The following DNAI3 variants were observed in gnomAD, a reference collection of about 807,000 sequenced individuals.
DNAI3 encodes dynein axonemal intermediate chain 3.
A neutral mutation model predicts 115.5 loss-of-function variants in DNAI3; 83 were observed. That is an observed-to-expected ratio of 0.72 (90% confidence interval 0.60 to 0.86). The LOEUF is 0.86. Among genes scored for constraint, DNAI3 ranks in the 40% least tolerant of loss-of-function variants. The pLI is 0.00. For missense variants in DNAI3, 1,004 were observed against 1,075.8 expected (o/e 0.93, Z 0.93); for synonymous variants, 320 against 347.0 (o/e 0.92, Z 0.86).
chr1:85,072,026 A>C (rs774138141), intron 2 of DNAI3, 21 bp downstream of exon 2: 2 of 1,600,052 alleles, frequency 1.2e-6, no homozygotes, highest in Non-Finnish European at 1.7e-6. Context: ...TTCTTCATTG[A>C]ATGGGATTTT....
chr1:85,067,678 C>G (rs1654139793), intron 1 of DNAI3, among the ~76,000 whole-genome samples: 1 of 151,944 alleles, frequency 6.6e-6, no homozygotes, highest in East Asian at 1.9e-4. Flanking sequence ...CTAGGTAGGC[C>G]CAGTGTAGTC....
chr1:85,107,100 A>C (rs1655510802), intron 14 of DNAI3, among the ~76,000 whole-genome samples: 1 of 152,236 alleles, frequency 6.6e-6, no homozygotes, highest in Non-Finnish European at 1.5e-5. Context: ...GTGAACGTGC[A>C]GAGATTTGGA....
intron 1 of DNAI3, 145 bp from the exon 2 acceptor site, chr1:85,071,783 T>C: frequency 1.3e-6 from 1 of 749,148 alleles, no homozygotes; most frequent in East Asian, 2.8e-5. Context: ...GAACACCCGT[T>C]CTATGAAGAT....
Position 85,090,192 on chromosome 1 carries a change from T to C in DNAI3, c.817T>C (p.Ser273Pro). 3 of 1,584,620 alleles carry C rather than the reference T, an allele frequency of 1.9e-6. No individual in the cohort carries two copies. In the South Asian group the frequency reaches 3.6e-5, roughly 19 times the overall value. Residue 273 changes from serine to proline, a missense_variant, in exon 8 of 23, where the codon TCA (serine) becomes CCA (proline). Coordinates refer to ENST00000294664, the MANE Select transcript of DNAI3 (RefSeq NM_145172.5). ...SEEEKETLKQSKPLVDFLNNA... is the reference protein window; with the variant it reads ...SEEEKETLKQPKPLVDFLNNA... ...AGAGGAAAAAGAGACACTCAAACAATCAAAGCCTTTGGTTGATTTTCTTAA... is the reference window on the plus strand; with the variant it reads ...AGAGGAAAAAGAGACACTCAAACAACCAAAGCCTTTGGTTGATTTTCTTAA...
chr1:85,116,962 T>C (rs1197616568), intron 16 of DNAI3, among the ~76,000 whole-genome samples: 3 of 152,180 alleles, frequency 2.0e-5, no homozygotes, highest in South Asian at 4.1e-4. Flanking sequence ...TATGTCTTTT[T>C]AGTATAGCTG....
At chr1:85,099,057 A>G (rs989512726) in intron 13 of DNAI3, among the ~76,000 whole-genome samples, 2 of 152,190 alleles carry the variant, frequency 1.3e-5, no homozygotes, top group Non-Finnish European at 2.9e-5. Context: ...GCTGGGCACA[A>G]TCTGGAATTG....
At chr1:85,097,466 A>G in intron 11 of DNAI3, 103 bp from the exon 12 acceptor site, 1 of 984,938 alleles carries the variant, frequency 1.0e-6, no homozygotes, top group East Asian at 2.8e-5. Flanking sequence ...ATTATCCCCT[A>G]AGGTGATTGA....
At chr1:85,128,866 A>C in intron 21 of DNAI3, 67 bp downstream of exon 21, 2 of 1,405,146 alleles carry the variant, frequency 1.4e-6, no homozygotes, top group South Asian at 2.5e-5. Flanking sequence ...GTCTTTAAAA[A>C]AATGTTAGAA....
intron 11 of DNAI3, among the ~76,000 whole-genome samples, chr1:85,096,256 C>A (rs1655120734): frequency 6.6e-6 from 1 of 152,020 alleles, no homozygotes; most frequent in African/African-American, 2.4e-5. Flanking sequence ...TGGGTGAAAT[C>A]TATTTGTGTT....
At position 85,121,796 on chromosome 1, in the gene DNAI3, G is replaced by A. The variant is rs377449485; in HGVS notation, c.1963G>A (p.Glu655Lys). ...AGATTGGAAAATGGAAAAAGACCCT[G>A]AAACTGGCCGACTTATGTGTAAGTT... ...YTDWKMEKDPETGRLMSKKPV... is the reference protein window; with the variant it reads ...YTDWKMEKDPKTGRLMSKKPV... The change falls in exon 18 of 23, where the codon GAA (glutamate) becomes AAA (lysine). Residue 655 changes from glutamate (E) to lysine (K), a missense_variant. By Grantham distance (56) the Glu-to-Lys change is moderately conservative. Coordinates refer to ENST00000294664, the MANE Select transcript of DNAI3 (RefSeq NM_145172.5). 1 of 1,614,134 alleles carries A rather than the reference G, an allele frequency of 6.2e-7. No individual in the cohort carries two copies. Among genetic ancestry groups the A allele is most frequent in the Non-Finnish European group, 8.5e-7 (1 of 1,180,000 alleles).
At chr1:85,099,292 T>C in intron 13 of DNAI3, 1 of 984,488 alleles carries the variant, frequency 1.0e-6, no homozygotes, top group South Asian at 4.7e-5. Context: ...AGGTGAAATA[T>C]CAAGAATATT....
rs1654927989 is a variant in DNAI3, at chr1:85,090,123, C to A, written c.748C>A (p.Pro250Thr). ...DISTQTKWTY[P>T]KNATTQYYPR... ...TTTCTTTTAATATATTAGGACATATCCTAAAAATGCTACTACGCAATATTA... is the reference window on the plus strand; with the variant it reads ...TTTCTTTTAATATATTAGGACATATACTAAAAATGCTACTACGCAATATTA... Residue 250 changes from proline (P) to threonine (T), a missense_variant, in exon 8 of 23, where the codon CCT (proline) becomes ACT (threonine). Pro to Thr is a conservative substitution (Grantham distance 38). This residue lies in a region of DNAI3 where 550 missense variants were observed against 568.1 expected (regional missense o/e 0.97). Transcript: ENST00000294664. 6.5e-7 allele frequency: 1 copy of A among 1,543,466 alleles called. No homozygotes were observed. The highest frequency in any genetic ancestry group is 8.7e-7 in the Non-Finnish European group (1 of 1,145,996).
intron 19 of DNAI3, 133 bp downstream of exon 19, chr1:85,124,384 C>T: frequency 8.2e-7 from 1 of 1,216,338 alleles, no homozygotes; most frequent in Non-Finnish European, 1.2e-6. Flanking sequence ...ATGGCAGGGA[C>T]ACCAGCTTGT....
intron 17 of DNAI3, among the ~76,000 whole-genome samples, chr1:85,121,216 C>T (rs923092769): frequency 2.0e-5 from 3 of 152,196 alleles, no homozygotes; most frequent in Non-Finnish European, 4.4e-5. Flanking sequence ...TTGCCTTCCC[C>T]TCTCCTTAAA....
intron 12 of DNAI3, 102 bp from the exon 13 acceptor site, chr1:85,098,428 A>G (rs1655191785): frequency 4.4e-6 from 6 of 1,369,322 alleles, no homozygotes; most frequent in African/African-American, 2.9e-5. Context: ...TTGAACTGGT[A>G]TATCTCTAAA....
At chr1:85,123,754 T>C (rs921327897) in intron 18 of DNAI3, among the ~76,000 whole-genome samples, 2 of 152,266 alleles carry the variant, frequency 1.3e-5, no homozygotes, top group African/African-American at 4.8e-5. Context: ...TGTAAGCTCC[T>C]TGGGGGCAAA....
intron 5 of DNAI3, 89 bp from the exon 6 acceptor site, chr1:85,084,456 AG>A (rs1280955740): frequency 9.1e-6 from 9 of 990,472 alleles, no homozygotes; most frequent in African/African-American, 7.4e-5. Context: ...TTTATATAAA[AG>A]TAAAGTTTGT....
chr1:85,083,479 C>A (rs1654690919), intron 5 of DNAI3, among the ~76,000 whole-genome samples: 1 of 151,376 alleles, frequency 6.6e-6, no homozygotes, highest in African/African-American at 2.4e-5. Flanking sequence ...AGAGTGAGAC[C>A]CTGTCTCAAA....
intron 9 of DNAI3, 124 bp downstream of exon 9, chr1:85,093,772 A>C: frequency 8.9e-7 from 1 of 1,119,898 alleles, no homozygotes; most frequent in Non-Finnish European, 1.3e-6. Context: ...TGTACTCACT[A>C]GGTACCTGCC....
Sources: gnomAD v4.1 joint callset for allele counts (sites outside exome capture counted in the v4.1 genomes callset) on GRCh38, gnomAD v4.1.1 for gene constraint, gnomAD v4.1.1 regional missense constraint, MANE v1.5 for transcripts, NCBI Gene and HGNC (gene_info 2026-07-23, HGNC 2026-07-21) for gene names.